The following SAMSN1 variants were observed in gnomAD, a reference collection of about 807,000 sequenced individuals.
SAMSN1 encodes SAM domain-containing protein SAMSN-1.
In SAMSN1, 31 loss-of-function variants were observed where a neutral mutation model predicts 42.0. That is an observed-to-expected ratio of 0.74 (90% confidence interval 0.55 to 1.00). SAMSN1 has a LOEUF of 1.00. SAMSN1 is among the 50% of genes least tolerant of loss of function. The pLI, the probability that SAMSN1 is intolerant of heterozygous loss-of-function variation, is 0.00. For synonymous variants in SAMSN1, 178 were observed against 151.9 expected, an observed-to-expected ratio of 1.17 and a Z score of -1.26; for missense variants, 464 against 439.4, an observed-to-expected ratio of 1.06 and a Z score of -0.50.
At chr21:14,647,546 G>A (rs1983740454) in intron 1 of SAMSN1, among the ~76,000 whole-genome samples, 4 of 148,236 alleles carry the variant, frequency 2.7e-5, no homozygotes, top group African/African-American at 9.8e-5. Flanking sequence ...GCTTGATGGG[G>A]ATGGCATTAA....
At chr21:14,636,544 T>A (rs571987486) in intron 2 of SAMSN1, among the ~76,000 whole-genome samples, 1 of 152,262 alleles carries the variant, frequency 6.6e-6, no homozygotes, top group South Asian at 2.1e-4. Flanking sequence ...TATAATTTTA[T>A]CTCTAAGGAT....
At chr21:14,512,312 A>G in intron 4 of SAMSN1, 132 bp downstream of exon 4, 1 of 890,864 alleles carries the variant, frequency 1.1e-6, no homozygotes, top group Non-Finnish European at 1.8e-6. Flanking sequence ...ATATAGATTT[A>G]ATATATCTTA....
intron 6 of SAMSN1, among the ~76,000 whole-genome samples, chr21:14,599,315 G>C (rs942925829): frequency 3.9e-5 from 6 of 152,144 alleles, no homozygotes; most frequent in Non-Finnish European, 8.8e-5. Flanking sequence ...TGACTCTCAT[G>C]AGATCTGATG....
intron 7 of SAMSN1, chr21:14,592,080 C>G (rs1348700614): frequency 6.6e-6 from 1 of 152,158 alleles, no homozygotes; most frequent in Non-Finnish European, 1.5e-5. Context: ...ATTACACAAA[C>G]CAGCATTGCA....
intron 2 of SAMSN1, among the ~76,000 whole-genome samples, chr21:14,576,846 A>T (rs74816117): frequency 0.011 from 1,703 of 151,846 alleles, 28 homozygotes; most frequent in Middle Eastern, 0.024. Context: ...AATTTTTCTC[A>T]CTATACTGTT....
chr21:14,516,383 C>T (rs760152304), intron 3 of SAMSN1, among the ~76,000 whole-genome samples: 2 of 152,018 alleles, frequency 1.3e-5, no homozygotes, highest in Non-Finnish European at 2.9e-5. Flanking sequence ...ATTCTAGATG[C>T]ATGATCTTTT....
intron 2 of SAMSN1, among the ~76,000 whole-genome samples, chr21:14,627,200 A>T (rs1046242944): frequency 2.0e-5 from 3 of 152,106 alleles, no homozygotes; most frequent in Non-Finnish European, 4.4e-5. Context: ...TGGGTGCAGC[A>T]CACCAATATG....
At chr21:14,653,121 A>G (rs1318841797) in intron 1 of SAMSN1, among the ~76,000 whole-genome samples, 2 of 152,088 alleles carry the variant, frequency 1.3e-5, no homozygotes, top group Non-Finnish European at 2.9e-5. Context: ...TATGGAGAAC[A>G]GTTTGGAGGT....
At chr21:14,542,606 T>C (rs767266585) in intron 1 of SAMSN1, among the ~76,000 whole-genome samples, 5 of 152,194 alleles carry the variant, frequency 3.3e-5, no homozygotes, top group Non-Finnish European at 5.9e-5. Flanking sequence ...GCTTAAAAGT[T>C]TTTAAAATCA....
chr21:14,614,226 A>C (rs2123329271), intron 3 of SAMSN1, among the ~76,000 whole-genome samples: 1 of 152,332 alleles, frequency 6.6e-6, no homozygotes, highest in East Asian at 1.9e-4. Context: ...TTAATAACAT[A>C]CACTGAAGCA....
At chr21:14,570,287 T>A (rs978256303) in intron 2 of SAMSN1, among the ~76,000 whole-genome samples, 1 of 152,176 alleles carries the variant, frequency 6.6e-6, no homozygotes, top group Admixed American at 6.5e-5. Flanking sequence ...GATTTTACAG[T>A]GGCAATATGC....
At chr21:14,585,684 C>A (rs1241871389), upstream of SAMSN1, 2 of 152,106 alleles carry the variant, frequency 1.3e-5, no homozygotes, top group Admixed American at 6.5e-5. Flanking sequence ...CAGTCTACTG[C>A]ATTTTATTTA....
intron 2 of SAMSN1, among the ~76,000 whole-genome samples, chr21:14,563,162 ATCATAACCTCCT>A (rs1981000087): frequency 2.3e-5 from 1 of 43,762 alleles, no homozygotes; most frequent in Non-Finnish European, 4.4e-5. Flanking sequence ...CTGCAATGTC[ATCATAACCTCCT>A]GAGACACAAC....
intron 5 of SAMSN1, among the ~76,000 whole-genome samples, chr21:14,603,683 G>A (rs1040857504): frequency 8.5e-5 from 13 of 152,230 alleles, no homozygotes; most frequent in Non-Finnish European, 1.8e-4. Flanking sequence ...AATGGGCCCT[G>A]AGTACCAGAT....
chr21:14,586,556 C>T (rs1200141051), upstream of SAMSN1, among the ~76,000 whole-genome samples: 1 of 152,122 alleles, frequency 6.6e-6, no homozygotes, highest in Non-Finnish European at 1.5e-5. Context: ...TATGAGATCA[C>T]AGTTTTTATC....
chr21:14,514,590 A>G (rs1987823002), intron 3 of SAMSN1, among the ~76,000 whole-genome samples: 1 of 152,234 alleles, frequency 6.6e-6, no homozygotes, highest in Non-Finnish European at 1.5e-5. Context: ...AATACAATTC[A>G]GAGAATTTAC....
intron 7 of SAMSN1, among the ~76,000 whole-genome samples, chr21:14,494,777 G>A (rs1235857345): frequency 2.0e-5 from 3 of 150,956 alleles, no homozygotes; most frequent in African/African-American, 7.3e-5. Flanking sequence ...TATCTATCTT[G>A]GGCTAAGAAG....
intron 1 of SAMSN1, among the ~76,000 whole-genome samples, chr21:14,655,416 A>G (rs1983900532): frequency 1.3e-5 from 2 of 151,834 alleles, no homozygotes; most frequent in Admixed American, 1.3e-4. Context: ...AATTTTAGGT[A>G]TTAACATAGT....
At chr21:14,541,616 C>T (rs901252152) in intron 1 of SAMSN1, among the ~76,000 whole-genome samples, 1 of 152,012 alleles carries the variant, frequency 6.6e-6, no homozygotes, top group African/African-American at 2.4e-5. Context: ...CAGTGTGGCC[C>T]AGGAAGGCCA....
Sources: gnomAD v4.1 joint callset for allele counts (sites outside exome capture counted in the v4.1 genomes callset) on GRCh38, gnomAD v4.1.1 for gene constraint, MANE v1.5 for transcripts, NCBI Gene and HGNC (gene_info 2026-07-23, HGNC 2026-07-21) for gene names.